The following NAALADL2 variants were observed in gnomAD, a reference collection of about 807,000 sequenced individuals.
NAALADL2 encodes the protein inactive N-acetylated-alpha-linked acidic dipeptidase-like protein 2.
Under a neutral mutation model 87.2 loss-of-function variants are expected in NAALADL2, and 76 were observed. The ratio of observed to expected loss-of-function variants is 0.87; its 90% CI spans 0.72 to 1.05. The LOEUF is 1.05. NAALADL2 is among the 50% of genes least tolerant of loss of function. NAALADL2 has a pLI of 0.00. For synonymous variants in NAALADL2, 354 were observed against 331.0 expected, an observed-to-expected ratio of 1.07 and a Z score of -0.75; for missense variants, 1,089 against 945.8, an observed-to-expected ratio of 1.15 and a Z score of -1.99.
intron 12 of NAALADL2, 32 bp downstream of exon 12, chr3:175,737,431 C>T: frequency 5.3e-6 from 7 of 1,318,976 alleles, no homozygotes; most frequent in Non-Finnish European, 6.5e-6. Context: ...GTAATTTTAC[C>T]AATGAAAAAT....
intron 5 of NAALADL2, among the ~76,000 whole-genome samples, chr3:175,398,075 T>C (rs1770044751): frequency 6.6e-6 from 1 of 152,152 alleles, no homozygotes; most frequent in South Asian, 2.1e-4. Flanking sequence ...TGACTTTTCT[T>C]GTTAAATATT....
chr3:174,647,613 G>A (rs1034023658), intron 2 of NAALADL2, among the ~76,000 whole-genome samples: 10 of 152,206 alleles, frequency 6.6e-5, no homozygotes, highest in African/African-American at 2.4e-4. Context: ...CTGAGAGCCA[G>A]TGCCATGGCC....
intron 11 of NAALADL2, among the ~76,000 whole-genome samples, chr3:175,657,283 TAAA>T: frequency 6.6e-6 from 1 of 152,264 alleles, no homozygotes; most frequent in Middle Eastern, 3.4e-3. Flanking sequence ...AATGAAGTCT[TAAA>T]AAACTAATTC....
chr3:175,371,494 T>G (rs1274035256), intron 5 of NAALADL2, among the ~76,000 whole-genome samples: 2 of 151,990 alleles, frequency 1.3e-5, no homozygotes, highest in African/African-American at 4.8e-5. Context: ...TGGATAATAT[T>G]ATTTAGAAAC....
At chr3:174,685,109 C>T (rs1182021681) in intron 2 of NAALADL2, among the ~76,000 whole-genome samples, 1 of 151,924 alleles carries the variant, frequency 6.6e-6, no homozygotes, top group African/African-American at 2.4e-5. Context: ...CTGAATGGTC[C>T]CAAATGTATA....
chr3:175,787,966 A>G (rs867466497), intron 13 of NAALADL2, among the ~76,000 whole-genome samples: 15 of 152,116 alleles, frequency 9.9e-5, no homozygotes, highest in African/African-American at 3.1e-4. Flanking sequence ...AATGAAGTCT[A>G]TAATAGTAAT....
intron 3 of NAALADL2, among the ~76,000 whole-genome samples, chr3:175,246,779 C>T (rs527363284): frequency 2.0e-5 from 3 of 152,164 alleles, no homozygotes; most frequent in South Asian, 4.1e-4. Flanking sequence ...AAATCTTGTA[C>T]TCCTGAAGCA....
chr3:175,483,164 G>C (rs1404982080), intron 9 of NAALADL2, among the ~76,000 whole-genome samples: 1 of 151,716 alleles, frequency 6.6e-6, no homozygotes, highest in African/African-American at 2.4e-5. Context: ...TTCAACCTCT[G>C]TATCCTAATA....
intron 2 of NAALADL2, among the ~76,000 whole-genome samples, chr3:174,686,589 A>G (rs1344027998): frequency 6.6e-6 from 1 of 152,100 alleles, no homozygotes; most frequent in Non-Finnish European, 1.5e-5. Context: ...TGGTACAAAA[A>G]CAGACACATA....
intron 2 of NAALADL2, among the ~76,000 whole-genome samples, chr3:174,568,496 G>GT (rs1359687119): frequency 6.6e-6 from 1 of 151,714 alleles, no homozygotes; most frequent in East Asian, 1.9e-4. Context: ...AAGTGCTTTA[G>GT]TATCAGTACA....
chr3:174,445,774 G>A (rs995025899), intron 1 of NAALADL2, among the ~76,000 whole-genome samples: 1 of 152,052 alleles, frequency 6.6e-6, no homozygotes, highest in African/African-American at 2.4e-5. Flanking sequence ...TTCTATTTGT[G>A]TAACAGAATA....
chr3:175,709,432 A>G (rs1740214105), intron 11 of NAALADL2, among the ~76,000 whole-genome samples: 1 of 152,118 alleles, frequency 6.6e-6, no homozygotes, highest in Admixed American at 6.6e-5. Flanking sequence ...AGAGACACAT[A>G]GCAAATGGAG....
chr3:174,938,294 G>C (rs2108454081), intron 1 of NAALADL2, among the ~76,000 whole-genome samples: 1 of 151,970 alleles, frequency 6.6e-6, no homozygotes, highest in East Asian at 1.9e-4. Flanking sequence ...TTCTTTTTCT[G>C]CATTATTTTG....
intron 11 of NAALADL2, among the ~76,000 whole-genome samples, chr3:175,665,246 T>A (rs1299464437): frequency 2.0e-5 from 3 of 152,236 alleles, no homozygotes; most frequent in Non-Finnish European, 4.4e-5. Flanking sequence ...TACAAGGCTG[T>A]ATTTTAAAAC....
intron 13 of NAALADL2, among the ~76,000 whole-genome samples, chr3:175,788,215 C>A (rs1752348028): frequency 1.3e-5 from 2 of 151,644 alleles, no homozygotes; most frequent in African/African-American, 4.8e-5. Flanking sequence ...CAACTTAGCC[C>A]CCAAGTAGCT....
chr3:174,465,471 T>C (rs1716480821), intron 1 of NAALADL2, among the ~76,000 whole-genome samples: 2 of 152,208 alleles, frequency 1.3e-5, no homozygotes, highest in South Asian at 4.1e-4. Flanking sequence ...TAGTTCAAGC[T>C]AAGATACCAA....
intron 6 of NAALADL2, among the ~76,000 whole-genome samples, chr3:175,452,511 A>C (rs1721731470): frequency 6.6e-6 from 1 of 152,192 alleles, no homozygotes; most frequent in Non-Finnish European, 1.5e-5. Context: ...GAAAATATTC[A>C]AAAGAAATGG....
intron 11 of NAALADL2, among the ~76,000 whole-genome samples, chr3:175,727,840 A>G (rs1743137194): frequency 6.6e-6 from 1 of 152,090 alleles, no homozygotes; most frequent in South Asian, 2.1e-4. Context: ...CCCTCAAGTC[A>G]TCCATTGGCA....
chr3:174,969,089 A>G (rs1379282432), intron 1 of NAALADL2, among the ~76,000 whole-genome samples: 1 of 152,164 alleles, frequency 6.6e-6, no homozygotes, highest in African/African-American at 2.4e-5. Context: ...ACTGTAACAC[A>G]GGTCTATGGG....
Sources: allele counts gnomAD v4.1 joint callset (sites outside exome capture counted in the v4.1 genomes callset), GRCh38; gene constraint gnomAD v4.1.1; transcripts MANE v1.5; gene names NCBI Gene and HGNC (gene_info 2026-07-23, HGNC 2026-07-21).